Variants in UGGT2 observed in about 807,000 individuals in gnomAD.
UGGT2 encodes UDP-glucose:glycoprotein glucosyltransferase 2.
In UGGT2, 180 loss-of-function variants were observed where a neutral mutation model predicts 192.1. The ratio of observed to expected loss-of-function variants is 0.94; its 90% CI spans 0.83 to 1.06. UGGT2 has a LOEUF of 1.06. UGGT2 is among the 50% of genes least tolerant of loss of function. UGGT2 has a pLI of 0.00. For missense variants in UGGT2, 1,849 were observed against 1,795.7 expected, an observed-to-expected ratio of 1.03 and a Z score of -0.54; for synonymous variants, 580 against 591.0, an observed-to-expected ratio of 0.98 and a Z score of 0.27.
chr13:96,050,028 C>A (rs1323130935), intron 1 of UGGT2, among the ~76,000 whole-genome samples: 1 of 152,184 alleles, frequency 6.6e-6, no homozygotes, highest in Non-Finnish European at 1.5e-5. Context: ...CCAAGACAAT[C>A]CTAAGCAAAA....
chr13:95,926,718 G>C (rs2049026234), intron 19 of UGGT2, among the ~76,000 whole-genome samples: 4 of 152,050 alleles, frequency 2.6e-5, no homozygotes, highest in African/African-American at 9.7e-5. Flanking sequence ...TATCTTCTCT[G>C]ATCTGGTAAT....
At chr13:95,932,311 T>TTGTGTGTGTGTG (rs67135742) in intron 17 of UGGT2, among the ~76,000 whole-genome samples, 1,695 of 139,454 alleles carry the variant, frequency 0.012, 22 homozygotes, top group African/African-American at 0.017. Flanking sequence ...GGTATTTTAT[T>TTGTGTGTGTGTG]TGTGTGTGTG....
chr13:95,917,969 G>A (rs2048731453), intron 20 of UGGT2, among the ~76,000 whole-genome samples: 1 of 152,108 alleles, frequency 6.6e-6, no homozygotes, highest in Admixed American at 6.6e-5. Context: ...AACAGTATTA[G>A]ACAGATCATC....
chr13:95,873,277 C>T (rs954337080), intron 29 of UGGT2, among the ~76,000 whole-genome samples: 5 of 152,218 alleles, frequency 3.3e-5, no homozygotes, highest in African/African-American at 1.2e-4. Context: ...TCATTTTCTA[C>T]ACTACCATAG....
intron 24 of UGGT2, among the ~76,000 whole-genome samples, chr13:95,892,968 T>C (rs975439922): frequency 6.6e-6 from 1 of 152,184 alleles, no homozygotes; most frequent in African/African-American, 2.4e-5. Flanking sequence ...GTAGTTAGGA[T>C]TGCTATTTTT....
rs548276328 is a variant in UGGT2, at chr13:95,950,284, T to C, written c.1336-830A>G. The stretch of plus-strand genomic sequence containing the variant: ...CCAGAAGGAAAGAGAAACGGAGAGG[T>C]TGAAACCACAGCTATAAAATAGTAC... On this transcript the variant is annotated intron_variant, in intron 12 of 38. Coordinates refer to ENST00000376747, the MANE Select transcript of UGGT2 (RefSeq NM_020121.4). Among the ~76,000 whole-genome samples, 4 of 151,972 alleles carry C rather than the reference T, an allele frequency of 2.6e-5. No homozygotes were observed. The South Asian group carries it at 6.3e-4, about 24-fold the overall frequency.
intron 22 of UGGT2, 78 bp from the exon 23 acceptor site, chr13:95,895,382 G>C: frequency 1.1e-6 from 1 of 927,750 alleles, no homozygotes; most frequent in Non-Finnish European, 1.5e-6. Context: ...TCATCAAATA[G>C]ATATTTCTTT....
intron 5 of UGGT2, among the ~76,000 whole-genome samples, chr13:96,011,416 G>T (rs773228401): frequency 2.6e-5 from 4 of 152,096 alleles, no homozygotes; most frequent in South Asian, 2.1e-4. Flanking sequence ...AGAAACTTAT[G>T]AAAAGCCAGA....
intron 12 of UGGT2, among the ~76,000 whole-genome samples, chr13:95,952,380 T>C (rs994620887): frequency 6.6e-6 from 1 of 152,124 alleles, no homozygotes; most frequent in African/African-American, 2.4e-5. Flanking sequence ...TCCCCGAGGA[T>C]ACCAAAATCT....
At chr13:95,931,810 G>A (rs892815425) in intron 17 of UGGT2, among the ~76,000 whole-genome samples, 24 of 152,076 alleles carry the variant, frequency 1.6e-4, no homozygotes, top group African/African-American at 4.8e-4. Flanking sequence ...GTTCCCGCCC[G>A]CGCCTCTCCC....
intron 6 of UGGT2, among the ~76,000 whole-genome samples, chr13:95,996,542 C>T (rs2051627913): frequency 6.6e-6 from 1 of 151,670 alleles, no homozygotes. Context: ...AAATTCCATT[C>T]GTTTTACCTT....
chr13:95,936,063 A>G (rs1466087779), intron 17 of UGGT2, among the ~76,000 whole-genome samples: 1 of 152,148 alleles, frequency 6.6e-6, no homozygotes, highest in Non-Finnish European at 1.5e-5. Flanking sequence ...CATCAGCTCA[A>G]GTGATCCTCT....
intron 24 of UGGT2, among the ~76,000 whole-genome samples, chr13:95,892,308 T>C (rs1048290589): frequency 3.9e-5 from 6 of 152,116 alleles, no homozygotes; most frequent in Non-Finnish European, 7.4e-5. Flanking sequence ...CACTAGTAGA[T>C]AGTACACTGA....
At chr13:95,978,465 A>G (rs73562904) in intron 10 of UGGT2, among the ~76,000 whole-genome samples, 2,583 of 152,242 alleles carry the variant, frequency 0.017, 74 homozygotes, top group African/African-American at 0.059. Flanking sequence ...ACTCTGTCCC[A>G]TTCTGTAGAT....
At chr13:95,819,518 A>G (rs9590333) in intron 38 of UGGT2, among the ~76,000 whole-genome samples, 53,614 of 138,002 alleles carry the variant, frequency 0.39, 9,923 homozygotes, top group Middle Eastern at 0.43. Context: ...ATATGTATGT[A>G]TGTAATAGTA....
chr13:96,026,101 A>C (rs1292038700), intron 2 of UGGT2, among the ~76,000 whole-genome samples: 2 of 152,160 alleles, frequency 1.3e-5, no homozygotes, highest in Non-Finnish European at 2.9e-5. Flanking sequence ...AATTAAAAAT[A>C]ATGAACTTAC....
At chr13:96,027,170 T>C (rs1442664487) in intron 2 of UGGT2, among the ~76,000 whole-genome samples, 2 of 152,176 alleles carry the variant, frequency 1.3e-5, no homozygotes, top group Admixed American at 6.5e-5. Context: ...TAAAAATTAA[T>C]GTAATGACAT....
chr13:95,868,248 T>C (rs1323594689), intron 29 of UGGT2, among the ~76,000 whole-genome samples: 2 of 152,126 alleles, frequency 1.3e-5, no homozygotes, highest in African/African-American at 4.8e-5. Context: ...ATTCCTGAGC[T>C]GAGGTGGTTA....
chr13:95,847,865 T>C (rs1446689739), intron 36 of UGGT2, among the ~76,000 whole-genome samples: 1 of 152,254 alleles, frequency 6.6e-6, no homozygotes, highest in Admixed American at 6.5e-5. Context: ...TGTTTAGTTT[T>C]GTAAGAAACT....
Sources: allele counts gnomAD v4.1 joint callset (sites outside exome capture counted in the v4.1 genomes callset), GRCh38; gene constraint gnomAD v4.1.1; transcripts MANE v1.5; gene names NCBI Gene and HGNC (gene_info 2026-07-23, HGNC 2026-07-21).